Variants in FOXP1 observed in about 807,000 individuals in gnomAD.
The protein encoded by FOXP1 is forkhead box P1.
Under a neutral mutation model 98.2 loss-of-function variants are expected in FOXP1, and 15 were observed. The observed-to-expected ratio is 0.15, with a 90% CI of 0.10 to 0.24. The LOEUF is 0.24. FOXP1 is among the 10% of genes least tolerant of loss of function. FOXP1 has a pLI of 1.00. For synonymous variants in FOXP1, 371 were observed against 314.5 expected (o/e 1.18, Z -1.90); for missense variants, 633 against 848.5 (o/e 0.75, Z 3.15).
intron 6 of FOXP1, among the ~76,000 whole-genome samples, chr3:71,164,787 G>A (rs971758359): frequency 6.6e-6 from 1 of 151,960 alleles, no homozygotes; most frequent in Non-Finnish European, 1.5e-5. Flanking sequence ...CCCTTCATTC[G>A]GAAACTAAGA....
intron 6 of FOXP1, among the ~76,000 whole-genome samples, chr3:71,154,131 T>C (rs4677021): frequency 0.39 from 59,802 of 151,646 alleles, 12,126 homozygotes; most frequent in East Asian, 0.69. Flanking sequence ...TAATTGAATG[T>C]ATTTATGAAA....
At chr3:71,159,439 A>G (rs1281961072) in intron 6 of FOXP1, among the ~76,000 whole-genome samples, 1 of 152,208 alleles carries the variant, frequency 6.6e-6, no homozygotes, top group Non-Finnish European at 1.5e-5. Flanking sequence ...ACAAGAGAGG[A>G]CAGAGGAAAT....
chr3:71,559,437 T>C (rs939995675), intron 2 of FOXP1, among the ~76,000 whole-genome samples: 7 of 152,158 alleles, frequency 4.6e-5, no homozygotes, highest in Admixed American at 2.0e-4. Flanking sequence ...GTTCCTGCAG[T>C]CTAGATAAAA....
chr3:71,152,693 T>C (rs2060629068), intron 6 of FOXP1, among the ~76,000 whole-genome samples: 1 of 152,038 alleles, frequency 6.6e-6, no homozygotes, highest in Non-Finnish European at 1.5e-5. Flanking sequence ...ATCTGAAAAA[T>C]GGGTATAACA....
chr3:71,490,495 T>C (rs1435053810), intron 3 of FOXP1, among the ~76,000 whole-genome samples: 1 of 150,456 alleles, frequency 6.6e-6, no homozygotes, highest in Non-Finnish European at 1.5e-5. Context: ...CAAAACTCTG[T>C]CTTAAAAAAA....
intron 5 of FOXP1, among the ~76,000 whole-genome samples, chr3:71,276,717 C>G (rs1396541228): frequency 6.6e-6 from 1 of 152,162 alleles, no homozygotes; most frequent in Non-Finnish European, 1.5e-5. Context: ...GCGATGGGCA[C>G]ATCTGTCATC....
At chr3:71,165,229 T>A (rs1321088911) in intron 6 of FOXP1, among the ~76,000 whole-genome samples, 1 of 142,054 alleles carries the variant, frequency 7.0e-6, no homozygotes, top group African/African-American at 2.6e-5. Context: ...TTTTACCAAA[T>A]TGAAAGCTAT....
intron 10 of FOXP1, among the ~76,000 whole-genome samples, chr3:71,041,991 GTTT>G (rs557557426): frequency 3.0e-4 from 45 of 152,240 alleles, no homozygotes; most frequent in Admixed American, 5.9e-4. Context: ...ATTAAATATA[GTTT>G]TTATTAATCA....
intron 5 of FOXP1, among the ~76,000 whole-genome samples, chr3:71,217,412 A>G (rs1010466391): frequency 5.9e-5 from 9 of 152,052 alleles, no homozygotes; most frequent in African/African-American, 2.2e-4. Context: ...GATCAAAGCA[A>G]TGAGTTCTAC....
chr3:71,441,525 T>A (rs1224660075), intron 3 of FOXP1, among the ~76,000 whole-genome samples: 2 of 152,210 alleles, frequency 1.3e-5, no homozygotes, highest in Non-Finnish European at 2.9e-5. Flanking sequence ...GTCACTAACA[T>A]GTCAGGCCCT....
intron 2 of FOXP1, among the ~76,000 whole-genome samples, chr3:71,552,269 A>C (rs1233274243): frequency 2.0e-5 from 3 of 152,162 alleles, no homozygotes; most frequent in African/African-American, 7.2e-5. Context: ...ATATAACAAA[A>C]ACACAGCCCT....
At chr3:71,382,089 T>A (rs574013741) in intron 3 of FOXP1, among the ~76,000 whole-genome samples, 1 of 152,184 alleles carries the variant, frequency 6.6e-6, no homozygotes, top group South Asian at 2.1e-4. Context: ...CTGAGCAACA[T>A]GGCGAGACCC....
intron 2 of FOXP1, among the ~76,000 whole-genome samples, chr3:71,564,474 AT>A (rs1235786917): frequency 2.6e-5 from 4 of 152,204 alleles, no homozygotes; most frequent in African/African-American, 4.8e-5. Context: ...ATACACACAC[AT>A]TTATGGAAGA....
chr3:70,975,915 C>T (rs1666388522), intron 17 of FOXP1, among the ~76,000 whole-genome samples: 2 of 152,078 alleles, frequency 1.3e-5, no homozygotes, highest in South Asian at 4.2e-4. Flanking sequence ...CATATATGAC[C>T]CCAAGCACTA....
chr3:71,302,369 G>A (rs2073917504), intron 4 of FOXP1, among the ~76,000 whole-genome samples: 2 of 151,790 alleles, frequency 1.3e-5, no homozygotes, highest in South Asian at 4.2e-4. Flanking sequence ...TTTTTCCAAA[G>A]CATACAACTT....
chr3:71,189,259 T>C (rs1438809668), intron 6 of FOXP1, among the ~76,000 whole-genome samples: 2 of 152,196 alleles, frequency 1.3e-5, no homozygotes. Flanking sequence ...ACAAAGACTT[T>C]ATCAAAGATC....
chr3:71,249,213 T>G (rs1174901707), intron 5 of FOXP1, among the ~76,000 whole-genome samples: 1 of 152,232 alleles, frequency 6.6e-6, no homozygotes, highest in African/African-American at 2.4e-5. Flanking sequence ...TCCTGGCGCC[T>G]GCCTGGCATT....
intron 7 of FOXP1, among the ~76,000 whole-genome samples, chr3:71,061,368 G>A (rs1002863711): frequency 2.6e-5 from 4 of 152,094 alleles, no homozygotes; most frequent in African/African-American, 4.8e-5. Context: ...GAAATGTTAC[G>A]TGCAAAGATA....
At chr3:71,418,258 A>G (rs1015297832) in intron 3 of FOXP1, among the ~76,000 whole-genome samples, 1 of 152,176 alleles carries the variant, frequency 6.6e-6, no homozygotes, top group Non-Finnish European at 1.5e-5. Context: ...TGTCTCTATT[A>G]GCAAAAACAA....
Sources: gnomAD v4.1 joint callset for allele counts (sites outside exome capture counted in the v4.1 genomes callset) on GRCh38, gnomAD v4.1.1 for gene constraint, MANE v1.5 for transcripts, NCBI Gene and HGNC (gene_info 2026-07-23, HGNC 2026-07-21) for gene names.